Variants in PTPRN2 observed in about 807,000 individuals in gnomAD.
PTPRN2 encodes the protein protein tyrosine phosphatase receptor type N2, also known as receptor-type tyrosine-protein phosphatase N2.
Under a neutral mutation model 118.8 loss-of-function variants are expected in PTPRN2, and 74 were observed. The observed-to-expected ratio is 0.62, with a 90% confidence interval of 0.52 to 0.76. The LOEUF (loss-of-function observed/expected upper bound fraction) is 0.76. Ranked by LOEUF, PTPRN2 falls within the 30% of genes least tolerant of loss-of-function variation. PTPRN2 has a pLI of 0.00. For missense variants in PTPRN2, 1,481 were observed against 1,394.4 expected, an observed-to-expected ratio of 1.06 and a Z score of -0.99; for synonymous variants, 641 against 608.0, an observed-to-expected ratio of 1.05 and a Z score of -0.80.
chr7:158,145,641 T>A (rs970727742), intron 6 of PTPRN2, among the ~76,000 whole-genome samples: 3 of 152,236 alleles, frequency 2.0e-5, no homozygotes, highest in Admixed American at 6.5e-5. Flanking sequence ...GAGCTGCCAG[T>A]ACTGAACCAA....
rs556623125 is a variant in PTPRN2 at position 158,333,216 on chromosome 7, G to A, written c.164-16284C>T. ...CTCACCATAAGAGCTGTCGCCCGCA[G>A]ACGTGACTCACACCCACACTCTCCC... On this transcript the variant is annotated intron_variant, in intron 2 of 22. Transcript: ENST00000389418. Among the ~76,000 whole-genome samples the A allele has an allele frequency of 1.1e-3, 125 of 116,980 alleles. 11 individuals are homozygous for A. Among genetic ancestry groups the A allele is most frequent in the African/African-American group, 4.5e-3 (119 of 26,276 alleles). The allele number at this position is 116,980 out of a possible 152,430, so 76.7% of individuals were successfully genotyped here.
intron 3 of PTPRN2, among the ~76,000 whole-genome samples, chr7:158,303,490 A>C (rs1301167489): frequency 6.6e-6 from 1 of 152,258 alleles, no homozygotes; most frequent in Non-Finnish European, 1.5e-5. Flanking sequence ...TTATTCTATG[A>C]AAATTTTAAC....
chr7:157,982,152 CG>C (rs1563295829), intron 11 of PTPRN2, among the ~76,000 whole-genome samples: 2,921 of 115,704 alleles, frequency 0.025, 156 homozygotes, highest in Non-Finnish European at 0.046. Flanking sequence ...CCATAAACCC[CG>C]AGTCACAGAG....
At chr7:157,613,547 G>C (rs1802530329) in intron 15 of PTPRN2, among the ~76,000 whole-genome samples, 1 of 152,210 alleles carries the variant, frequency 6.6e-6, no homozygotes, top group African/African-American at 2.4e-5. Flanking sequence ...TCAGAAGCCG[G>C]CAGGGCGGGC....
At position 158,555,665 on chromosome 7, in the gene PTPRN2, C is replaced by A. The variant is rs73510585; in HGVS notation, c.112+31893G>T. Among the ~76,000 whole-genome samples the A allele has an allele frequency of 0.012, 1,887 of 152,308 alleles. 43 individuals are homozygous for A. The highest frequency in any genetic ancestry group is 0.042 in the African/African-American group (1,764 of 41,556). ...AGGGGCACAAGCACCGCCCGTCAAC[C>A]CTTCACAGAAGCTGGCAACAGAGTC... On this transcript the variant is annotated intron_variant, in intron 1 of 22. Transcript: ENST00000389418. The surrounding 1 kb of genome is among the most constrained non-coding windows in gnomAD (Gnocchi z 4.7).
chr7:158,291,457 C>G (rs1014585420), intron 3 of PTPRN2, among the ~76,000 whole-genome samples: 6 of 151,910 alleles, frequency 3.9e-5, no homozygotes, highest in African/African-American at 1.5e-4. Context: ...TAGGAGCTTC[C>G]CCTCCCCCAA....
chr7:158,207,910 T>A (rs1156276298), intron 3 of PTPRN2, among the ~76,000 whole-genome samples: 1 of 152,182 alleles, frequency 6.6e-6, no homozygotes, highest in Non-Finnish European at 1.5e-5. Context: ...GAAAAGACAA[T>A]CAGAATCCTA....
At chr7:158,091,029 T>TGTTTCGGAAATG (rs1326489107) in intron 10 of PTPRN2, among the ~76,000 whole-genome samples, 1 of 152,214 alleles carries the variant, frequency 6.6e-6, no homozygotes, top group Admixed American at 6.5e-5. Flanking sequence ...AAAGCTTCCA[T>TGTTTCGGAAATG]GTTTCGGAAA....
At chr7:157,852,753 C>CAGCA (rs1256314657) in intron 12 of PTPRN2, among the ~76,000 whole-genome samples, 1 of 151,400 alleles carries the variant, frequency 6.6e-6, no homozygotes, top group East Asian at 1.9e-4. Flanking sequence ...CCTGTAATCC[C>CAGCA]AGCTACTCGG....
chr7:158,041,348 A>G (rs866280041), intron 11 of PTPRN2, among the ~76,000 whole-genome samples: 6 of 152,346 alleles, frequency 3.9e-5, no homozygotes, highest in Middle Eastern at 3.4e-3. Flanking sequence ...CAATAAAGAA[A>G]CAATTGAGGC....
At chr7:158,157,631 A>G (rs375472108) in intron 6 of PTPRN2, among the ~76,000 whole-genome samples, 1 of 152,228 alleles carries the variant, frequency 6.6e-6, no homozygotes. Flanking sequence ...TGCCAGCCAC[A>G]CACGGCCGCT....
chr7:158,175,848 G>T (rs1343138102), intron 5 of PTPRN2, among the ~76,000 whole-genome samples: 1 of 152,158 alleles, frequency 6.6e-6, no homozygotes, highest in Non-Finnish European at 1.5e-5. Context: ...ATCTGCTAAT[G>T]ATGATGCATT....
At chr7:158,046,444 C>T (rs567564431) in intron 11 of PTPRN2, among the ~76,000 whole-genome samples, 9 of 150,372 alleles carry the variant, frequency 6.0e-5, no homozygotes, top group South Asian at 2.1e-4. Flanking sequence ...GGCATCCTGA[C>T]GCTGCGATCC....
intron 11 of PTPRN2, among the ~76,000 whole-genome samples, chr7:158,021,824 A>C (rs536049550): frequency 6.6e-6 from 1 of 152,248 alleles, no homozygotes; most frequent in Non-Finnish European, 1.5e-5. Context: ...AGACCACTAC[A>C]TCGGCCAACC....
chr7:157,746,269 A>G (rs1294616540), intron 12 of PTPRN2, among the ~76,000 whole-genome samples: 1 of 146,742 alleles, frequency 6.8e-6, no homozygotes, highest in Admixed American at 6.8e-5. Context: ...CATGGGGCCA[A>G]GAGCATGGAG....
chr7:158,327,591 C>T (rs908768243), intron 2 of PTPRN2, among the ~76,000 whole-genome samples: 1 of 152,194 alleles, frequency 6.6e-6, no homozygotes, highest in African/African-American at 2.4e-5. Context: ...CATGTACACA[C>T]TCACTACTCA....
chr7:158,533,856 G>A (rs538552048), intron 1 of PTPRN2, among the ~76,000 whole-genome samples: 177 of 152,328 alleles, frequency 1.2e-3, no homozygotes, highest in Non-Finnish European at 2.1e-3. Flanking sequence ...CTCCCACTCC[G>A]GGTACATCCC....
At chr7:157,605,861 A>G (rs776385500) in intron 15 of PTPRN2, among the ~76,000 whole-genome samples, 2 of 152,210 alleles carry the variant, frequency 1.3e-5, no homozygotes, top group African/African-American at 2.4e-5. Flanking sequence ...AGGCACCATG[A>G]GTTCCCACTC....
intron 3 of PTPRN2, among the ~76,000 whole-genome samples, chr7:158,255,216 G>A (rs1052420846): frequency 2.0e-4 from 31 of 152,196 alleles, no homozygotes; most frequent in African/African-American, 6.5e-4. Context: ...AGATCACCAA[G>A]GGCAAGACTT....
Sources: allele counts gnomAD v4.1 joint callset (sites outside exome capture counted in the v4.1 genomes callset), GRCh38; gene constraint gnomAD v4.1.1; non-coding constraint Gnocchi (gnomAD v3.1); transcripts MANE v1.5; gene names NCBI Gene and HGNC (gene_info 2026-07-23, HGNC 2026-07-21).